The following DSC2 variants were observed in gnomAD, a reference collection of about 807,000 sequenced individuals.
The protein encoded by DSC2 is desmocollin-2.
Under a neutral mutation model 87.6 loss-of-function variants are expected in DSC2, and 51 were observed. The ratio of observed to expected loss-of-function variants is 0.58; its 90% CI spans 0.46 to 0.74. DSC2 has a LOEUF of 0.74. DSC2 is among the 30% of genes least tolerant of loss of function. The probability of loss-of-function intolerance (pLI) is 0.00; values close to 1 mark genes in which losing one functional copy is unlikely to be tolerated. For missense variants in DSC2, 1,066 were observed against 1,089.5 expected, an observed-to-expected ratio of 0.98 and a Z score of 0.30; for synonymous variants, 383 against 393.2, an observed-to-expected ratio of 0.97 and a Z score of 0.31.
chr18:31,088,318 A>T (rs1987473815), intron 5 of DSC2, among the ~76,000 whole-genome samples: 1 of 152,200 alleles, frequency 6.6e-6, no homozygotes, highest in African/African-American at 2.4e-5. Context: ...AAGAATTTTT[A>T]ATTTAAAAAG....
Position 31,094,216 on chromosome 18 carries a change from T to C in DSC2, c.70-573A>G, listed in dbSNP as rs541237412. Among the ~76,000 whole-genome samples the C allele has an allele frequency of 2.6e-5, 4 of 152,330 alleles. 1 individual carries two copies. The highest frequency in any genetic ancestry group is 4.1e-4 in the South Asian group (2 of 4,826). ...TGAGGCAGCAAACTGTTTCAGTACA[T>C]TTTTAATTGCTTATGAGATATGATA... On this transcript the variant is annotated intron_variant, in intron 1 of 15. Coordinates refer to ENST00000280904, the MANE Select transcript of DSC2 (RefSeq NM_024422.6).
rs549385079 is a variant in DSC2, at chr18:31,079,844, T to A, written c.1663+3A>T. ...TGTAGCTGGCTTAAAGACAAATTCT[T>A]ACCTTGGTCTGATGCAAGGACTGTA... On this transcript the variant is annotated splice_donor_region_variant and intron_variant, in intron 11 of 15. Coordinates refer to ENST00000280904, the MANE Select transcript of DSC2 (RefSeq NM_024422.6). The A allele has an allele frequency of 6.2e-7, 1 of 1,613,942 alleles. No homozygotes were observed. Among genetic ancestry groups the A allele is most frequent in the African/African-American group, 1.3e-5 (1 of 75,052 alleles).
Position 31,080,326 on chromosome 18 carries a change from C to T in DSC2, c.1290G>A (p.Gln430=). The T allele has an allele frequency of 6.2e-7, 1 of 1,613,982 alleles. No homozygotes were observed. The part of the protein sequence containing the change: ...VKPLNYEEKQ[Q]MILQIGVVNE... ...TAACTACACCAATTTGCAAGATCAT[C>T]TGTTGCTTTTCTTCATAATTCAAAG... is the stretch of plus-strand genomic sequence containing the variant. The change falls in exon 10 of 16, where the codon CAG becomes CAA. Residue 430 remains glutamine (Q), a synonymous_variant. Transcript: ENST00000280904.
At chr18:31,072,683 T>C (rs1986873335) in intron 12 of DSC2, among the ~76,000 whole-genome samples, 1 of 152,192 alleles carries the variant, frequency 6.6e-6, no homozygotes, top group African/African-American at 2.4e-5. Context: ...TTTTGGAGAC[T>C]AGATATACTA....
intron 4 of DSC2, among the ~76,000 whole-genome samples, chr18:31,090,758 T>C (rs1002799749): frequency 6.6e-6 from 1 of 152,208 alleles, no homozygotes; most frequent in African/African-American, 2.4e-5. Context: ...TAGCTATTCT[T>C]AGGCTTGGCG....
At chr18:31,076,537 A>G (rs1233497297) in intron 11 of DSC2, among the ~76,000 whole-genome samples, 1 of 152,252 alleles carries the variant, frequency 6.6e-6, no homozygotes, top group East Asian at 1.9e-4. Context: ...TATGTTTAGA[A>G]TCTTCAAAGA....
chr18:31,084,071 G>A (rs1987318691), intron 7 of DSC2, among the ~76,000 whole-genome samples: 1 of 152,106 alleles, frequency 6.6e-6, no homozygotes. Flanking sequence ...AAAATAGCAT[G>A]TTAAAATCTA....
chr18:31,082,960 A>G lies in DSC2; in HGVS notation c.1043T>C (p.Val348Ala). 1 of 1,613,618 alleles carries G rather than the reference A, an allele frequency of 6.2e-7. No homozygotes were observed. The highest frequency in any genetic ancestry group is 8.5e-7 in the Non-Finnish European group (1 of 1,179,934). Residue 348 changes from valine (V) to alanine (A), a missense_variant, in exon 8 of 16, where the codon GTA becomes GCA. Val to Ala is a moderately conservative substitution (Grantham distance 64). Coordinates refer to ENST00000280904, the MANE Select transcript of DSC2 (RefSeq NM_024422.6). ...AGTAAATGTTGGCAAGTGGTCATTTACATCATCAATGTTAATGATACAAGT... is the reference window on the plus strand; with the variant it reads ...AGTAAATGTTGGCAAGTGGTCATTTGCATCATCAATGTTAATGATACAAGT... ...TSTCIINIDDVNDHLPTFTRT... is the reference protein window; with the variant it reads ...TSTCIINIDDANDHLPTFTRT...
chr18:31,070,725 C>T lies in DSC2; in HGVS notation c.2250+1G>A, dbSNP rs1986794200. 1 of 1,613,718 alleles carries T rather than the reference C, an allele frequency of 6.2e-7. No homozygotes were observed. The highest frequency in any genetic ancestry group is 8.5e-7 in the Non-Finnish European group (1 of 1,179,750). Reference sequence around the variant, plus strand: ...TTTATTTAAAAAGCCAGACTACTTACCACTTTGTCATCTCCAGGAGCTTCT... The same window carrying T: ...TTTATTTAAAAAGCCAGACTACTTATCACTTTGTCATCTCCAGGAGCTTCT... On this transcript the variant is annotated splice_donor_variant, in intron 14 of 15. Coordinates refer to ENST00000280904, the MANE Select transcript of DSC2 (RefSeq NM_024422.6). LOFTEE classifies it high-confidence loss of function.
intron 7 of DSC2, 130 bp downstream of exon 7, chr18:31,086,446 A>T: frequency 8.9e-7 from 1 of 1,123,228 alleles, no homozygotes; most frequent in Non-Finnish European, 1.3e-6. Flanking sequence ...GATCTCTATT[A>T]ACATACATAA....
rs545238802 is a variant in DSC2 at position 31,088,326 on chromosome 18, A to C, written c.631-513T>G. On this transcript the variant is annotated intron_variant, in intron 5 of 15. Coordinates refer to ENST00000280904, the MANE Select transcript of DSC2 (RefSeq NM_024422.6). ...CTTTTCAAAGAATTTTTAATTTAAAAAGGGTGAATCAGAAATGAAACAAAT... is the reference window on the plus strand; with the variant it reads ...CTTTTCAAAGAATTTTTAATTTAAACAGGGTGAATCAGAAATGAAACAAAT... 3.9e-5 allele frequency among the ~76,000 whole-genome samples: 6 copies of C among 152,326 alleles called. No homozygotes were observed. The South Asian group carries it at 1.2e-3, about 32-fold the overall frequency.
chr18:31,099,955 A>G (rs1322944388), intron 1 of DSC2, among the ~76,000 whole-genome samples: 1 of 151,984 alleles, frequency 6.6e-6, no homozygotes, highest in African/African-American at 2.4e-5. Context: ...TGCAGCCTGG[A>G]CCTCCCAAGC....
chr18:31,065,130 A>T lies in DSC2; in HGVS notation c.*2885T>A, dbSNP rs905051196. On this transcript the variant is annotated 3_prime_UTR_variant, in exon 16 of 16. Coordinates refer to ENST00000280904, the MANE Select transcript of DSC2 (RefSeq NM_024422.6). ...AGATTTATCACACTGACTTCTGGCT[A>T]GGGATGAATAAGATGTAACTTGCTG... 4.3e-4 allele frequency: 66 copies of T among 152,134 alleles called. No individual in the cohort carries two copies. Among genetic ancestry groups the T allele is most frequent in the African/African-American group, 1.6e-3 (65 of 41,444 alleles). The allele number at this position is 152,134 out of a possible 1,614,324, so 9.4% of individuals were successfully genotyped here. A position where few individuals can be genotyped will look rare whatever the true frequency, so the allele number is the denominator to read the frequency against.
chr18:31,094,705 TTAAA>T (rs1446895784), intron 1 of DSC2, among the ~76,000 whole-genome samples: 4 of 152,236 alleles, frequency 2.6e-5, no homozygotes, highest in Non-Finnish European at 4.4e-5. Context: ...TATTAAAGAC[TTAAA>T]TTATCCAGTT....
At chr18:31,090,115 A>G (rs1290815727) in intron 4 of DSC2, among the ~76,000 whole-genome samples, 5 of 152,310 alleles carry the variant, frequency 3.3e-5, no homozygotes, top group Middle Eastern at 6.8e-3. Context: ...AAATGGAATA[A>G]TATTTTGGAA....
intron 5 of DSC2, among the ~76,000 whole-genome samples, chr18:31,088,999 A>G (rs896079762): frequency 1.3e-5 from 2 of 151,838 alleles, no homozygotes; most frequent in Non-Finnish European, 2.9e-5. Flanking sequence ...CCCCATCTCT[A>G]CTAAAAATAC....
chr18:31,100,891 C>G (rs1987921539), intron 1 of DSC2, among the ~76,000 whole-genome samples: 1 of 152,128 alleles, frequency 6.6e-6, no homozygotes, highest in African/African-American at 2.4e-5. Context: ...CCCCAATTCC[C>G]CAGACGCTGC....
intron 5 of DSC2, 57 bp from the exon 6 acceptor site, chr18:31,087,870 G>A: frequency 6.3e-7 from 1 of 1,577,188 alleles, no homozygotes; most frequent in Non-Finnish European, 8.7e-7. Context: ...AATGAGGTAT[G>A]CTTCAAATTC....
intron 1 of DSC2, among the ~76,000 whole-genome samples, chr18:31,095,004 C>T (rs992204367): frequency 3.3e-5 from 5 of 152,178 alleles, no homozygotes; most frequent in African/African-American, 9.6e-5. Context: ...AAGCCAAGTC[C>T]TTGCCTCACG....
Sources: gnomAD v4.1 joint callset for allele counts (sites outside exome capture counted in the v4.1 genomes callset) on GRCh38, gnomAD v4.1.1 for gene constraint, MANE v1.5 for transcripts, NCBI Gene and HGNC (gene_info 2026-07-23, HGNC 2026-07-21) for gene names.